Variants in PAX6 observed in about 807,000 individuals in gnomAD.
PAX6 encodes paired box protein Pax-6.
Under a neutral mutation model 60.7 loss-of-function variants are expected in PAX6, and 7 were observed. That is an observed-to-expected ratio of 0.12 (90% CI 0.07 to 0.22). The LOEUF (loss-of-function observed/expected upper bound fraction) is 0.22. Among genes scored for constraint, PAX6 ranks in the 10% least tolerant of loss-of-function variants. PAX6 has a pLI of 1.00. For synonymous variants in PAX6, 208 were observed against 201.2 expected (o/e 1.03, Z -0.29); for missense variants, 355 against 555.2 (o/e 0.64, Z 3.62).
In PAX6 at chr11:31,793,675, G is replaced by T. The variant is rs1950590713; in HGVS notation, c.935C>A (p.Pro312Gln). 1 of 1,614,060 alleles carries T rather than the reference G, an allele frequency of 6.2e-7. No individual in the cohort carries two copies. The highest frequency in any genetic ancestry group is 1.3e-5 in the African/African-American group (1 of 74,930). Reference protein sequence around the residue: ...SSSFSTSVYQPIPQPTTPVSS... With the variant: ...SSSFSTSVYQQIPQPTTPVSS... ...ACCCGGTGTGGTGGGTTGTGGAATT[G>T]GTTGGTAGACACTGGTGCTGAAACT... Residue 312 changes from proline (P) to glutamine (Q), a missense_variant, in exon 11 of 14, where the codon CCA becomes CAA. Physicochemically the swap from Pro to Gln is moderately conservative, Grantham distance 76. Around this residue, in one of 5 missense-constraint regions of PAX6, gnomAD observed 149 missense variants for 191.9 expected, o/e 0.78. Coordinates refer to ENST00000640368, the MANE Select transcript of PAX6 (RefSeq NM_001368894.2).
At chr11:31,796,108 C>G (rs1257383941) in intron 8 of PAX6, among the ~76,000 whole-genome samples, 1 of 152,244 alleles carries the variant, frequency 6.6e-6, no homozygotes, top group East Asian at 1.9e-4. Context: ...CTTTCTCCCC[C>G]ATTTAAACAG....
intron 11 of PAX6, 23 bp from the exon 12 acceptor site, chr11:31,793,576 T>C (rs1303902470): frequency 1.9e-6 from 3 of 1,613,198 alleles, no homozygotes; most frequent in East Asian, 2.2e-5. Flanking sequence ...GAAATGACAG[T>C]AGTCAGAGTG....
chr11:31,812,741 G>T (rs1400867585), upstream of PAX6: 1 of 152,502 alleles, frequency 6.6e-6, no homozygotes, highest in Non-Finnish European at 1.5e-5. Flanking sequence ...AGGGCGAGGG[G>T]GAATAGGGCT....
intron 8 of PAX6, among the ~76,000 whole-genome samples, chr11:31,800,142 G>C (rs1480251888): frequency 6.6e-6 from 1 of 151,998 alleles, no homozygotes; most frequent in Non-Finnish European, 1.5e-5. Context: ...CCAGAGGGGC[G>C]AACGGGGGAG....
chr11:31,806,129 G>C (rs1054366137), intron 4 of PAX6: 25 of 478,250 alleles, frequency 5.2e-5, no homozygotes, highest in African/African-American at 4.3e-4. Flanking sequence ...CAGGATTTGG[G>C]GGGGATGGGG....
chr11:31,815,187 G>A (rs1373262143), upstream of PAX6, among the ~76,000 whole-genome samples: 19 of 152,112 alleles, frequency 1.2e-4, 2 homozygotes, highest in Non-Finnish European at 2.9e-5. Context: ...ATAGGAGTTA[G>A]GTTTAAAACT....
At chr11:31,790,120 A>AAAAC (rs1565184003) in intron 13 of PAX6, 101 bp from the exon 14 acceptor site, 40 of 760,108 alleles carry the variant, frequency 5.3e-5, no homozygotes, top group South Asian at 8.4e-5. Flanking sequence ...AAAAAAAAAA[A>AAAAC]CTAATACTTT....
At chr11:31,802,965 G>A in intron 4 of PAX6, 131 bp from the exon 5 acceptor site, 1 of 922,720 alleles carries the variant, frequency 1.1e-6, no homozygotes, top group Non-Finnish European at 1.7e-6. Context: ...AAGGGGAAGA[G>A]GAAGAAGGAG....
chr11:31,810,770 G>C, intron 2 of PAX6, 58 bp downstream of exon 2: 1 of 398,804 alleles, frequency 2.5e-6, no homozygotes. Flanking sequence ...GGGAGGAAGG[G>C]GGAGACCTGT....
chr11:31,811,491 C>G, upstream of PAX6: 1 of 319,540 alleles, frequency 3.1e-6, no homozygotes, highest in Non-Finnish European at 5.7e-6. Context: ...CTCCTCTCCC[C>G]GGCGCAGGGC....
intron 2 of PAX6, chr11:31,809,420 A>C (rs985244571): frequency 6.6e-6 from 1 of 152,212 alleles, no homozygotes; most frequent in African/African-American, 2.4e-5. Context: ...AGTATAAGAA[A>C]AATAAAAAGG....
At chr11:31,813,589 G>A (rs898893451), upstream of PAX6, among the ~76,000 whole-genome samples, 1 of 152,004 alleles carries the variant, frequency 6.6e-6, no homozygotes, top group Non-Finnish European at 1.5e-5. Flanking sequence ...ATCTCGCTGC[G>A]GAGAAAAGTT....
At chr11:31,802,948 G>T in intron 4 of PAX6, 114 bp from the exon 5 acceptor site, 1 of 1,044,546 alleles carries the variant, frequency 9.6e-7, no homozygotes, top group Non-Finnish European at 1.4e-6. Flanking sequence ...ACAGAAAGGA[G>T]AGGAGGAAGG....
rs1307657364 is a variant in PAX6 at position 31,806,425 on chromosome 11, G to C, written c.-14C>G. The C allele has an allele frequency of 1.3e-5, 21 of 1,608,980 alleles. No homozygotes were observed. Among genetic ancestry groups the C allele is most frequent in the Non-Finnish European group, 1.6e-5 (19 of 1,177,902 alleles). ...ACTGTTCTGCATGCTGGCTCTGGCT[G>C]GGGGCCGCGGGATTCCACGGGGCTC... On this transcript the variant is annotated 5_prime_UTR_variant, in exon 4 of 14. Transcript: ENST00000640368.
At position 31,789,820 on chromosome 11, in the gene PAX6, A is replaced by C. The variant is rs1037916086; in HGVS notation, c.*114T>G. The C allele has an allele frequency of 3.9e-5, 36 of 915,344 alleles. No individual in the cohort carries two copies. The highest frequency in any genetic ancestry group is 6.6e-5 in the African/African-American group (4 of 60,876). 56.7% of individuals were successfully genotyped at this position (915,344 alleles called of 1,614,324 possible). ...ATACAGGACACAATTGTAGAACTGAAGCGGCTCTAACAGCCATTTTTCTTT... is the reference window on the plus strand; with the variant it reads ...ATACAGGACACAATTGTAGAACTGACGCGGCTCTAACAGCCATTTTTCTTT... On this transcript the variant is annotated 3_prime_UTR_variant, in exon 14 of 14. Transcript: ENST00000640368.
chr11:31,794,493 A>G (rs1950920758), intron 9 of PAX6, 137 bp downstream of exon 9: 2 of 822,092 alleles, frequency 2.4e-6, no homozygotes, highest in Non-Finnish European at 4.0e-6. Context: ...AAAGATGCCC[A>G]GAGAAATAAA....
intron 12 of PAX6, chr11:31,792,941 T>G: frequency 2.7e-6 from 1 of 365,342 alleles, no homozygotes. Context: ...TATCTCACCA[T>G]GTAAATATGA....
chr11:31,801,785 G>C lies in PAX6; in HGVS notation c.184-9C>G, dbSNP rs764872492. 1.9e-6 allele frequency: 3 copies of C among 1,614,022 alleles called. No homozygotes were observed. Among genetic ancestry groups the C allele is most frequent in the Non-Finnish European group, 2.5e-6 (3 of 1,179,998 alleles). On this transcript the variant is annotated splice_polypyrimidine_tract_variant and intron_variant, in intron 6 of 13. Transcript: ENST00000640368. ...ACACATCCGTTGGACACCTGCATAGGGGAAGTGGACAGAAAACCACATTAT... is the reference window on the plus strand; with the variant it reads ...ACACATCCGTTGGACACCTGCATAGCGGAAGTGGACAGAAAACCACATTAT...
At chr11:31,808,363 G>C (rs1471838933) in intron 2 of PAX6, 1 of 152,224 alleles carries the variant, frequency 6.6e-6, no homozygotes, top group East Asian at 1.9e-4. Flanking sequence ...AGGGTTACTA[G>C]TTACCCTTAT....
Sources: allele counts gnomAD v4.1 joint callset (sites outside exome capture counted in the v4.1 genomes callset), GRCh38; gene constraint gnomAD v4.1.1; regional missense constraint gnomAD v4.1.1; transcripts MANE v1.5; gene names NCBI Gene and HGNC (gene_info 2026-07-23, HGNC 2026-07-21).